ANKFN1: variants seen among roughly 807,000 people sequenced by gnomAD.
The protein encoded by ANKFN1 is ankyrin repeat and fibronectin type III domain containing 1, also known as ankyrin repeat and fibronectin type-III domain-containing protein 1.
Under a neutral mutation model 108.7 loss-of-function variants are expected in ANKFN1, and 74 were observed. The observed-to-expected ratio is 0.68, with a 90% CI of 0.56 to 0.83. The LOEUF (loss-of-function observed/expected upper bound fraction) is 0.83. Among genes scored for constraint, ANKFN1 ranks in the 40% least tolerant of loss-of-function variants. The pLI is 0.00. For missense variants in ANKFN1, 1,505 were observed against 1,382.3 expected (o/e 1.09, Z -1.41); for synonymous variants, 547 against 516.2 (o/e 1.06, Z -0.81).
intron 8 of ANKFN1, among the ~76,000 whole-genome samples, chr17:56,418,084 T>G (rs1439639784): frequency 1.3e-5 from 2 of 152,228 alleles, no homozygotes; most frequent in Admixed American, 1.3e-4. Context: ...CCAGGACTTT[T>G]AAGTACATTT....
At chr17:56,140,437 TTA>T (rs1907852149) in intron 4 of ANKFN1, among the ~76,000 whole-genome samples, 1 of 152,178 alleles carries the variant, frequency 6.6e-6, no homozygotes, top group Admixed American at 6.5e-5. Flanking sequence ...GACTCTTTCA[TTA>T]TGTCTTTCCC....
intron 15 of ANKFN1, among the ~76,000 whole-genome samples, chr17:56,475,046 T>C (rs1208037163): frequency 6.6e-6 from 1 of 152,242 alleles, no homozygotes; most frequent in Non-Finnish European, 1.5e-5. Context: ...TATTCCCTTA[T>C]GTTCTGTTTA....
chr17:56,128,231 G>A (rs1282794753), intron 4 of ANKFN1, among the ~76,000 whole-genome samples: 1 of 127,244 alleles, frequency 7.9e-6, no homozygotes, highest in African/African-American at 2.7e-5. Flanking sequence ...GAAGCCAATA[G>A]CCCTTTTTTT....
At chr17:56,268,620 C>T (rs1260389986) in intron 3 of ANKFN1, among the ~76,000 whole-genome samples, 2 of 151,834 alleles carry the variant, frequency 1.3e-5, no homozygotes, top group African/African-American at 4.8e-5. Flanking sequence ...AAAACCCATA[C>T]AAAAGACTAA....
chr17:56,403,144 T>A (rs947129802), intron 8 of ANKFN1, among the ~76,000 whole-genome samples: 11 of 152,152 alleles, frequency 7.2e-5, no homozygotes, highest in Non-Finnish European at 1.3e-4. Flanking sequence ...GAAAGTTCCA[T>A]GTGCTGTTGA....
chr17:56,345,039 C>T (rs1326324035), intron 4 of ANKFN1, among the ~76,000 whole-genome samples: 2 of 152,046 alleles, frequency 1.3e-5, no homozygotes, highest in Non-Finnish European at 2.9e-5. Context: ...TGCTCTCCCT[C>T]CCCTTGGCCA....
At position 56,516,267 on chromosome 17, in the gene ANKFN1, T is replaced by TGTGTGTGTGTGTGC. The variant is rs2051913661; in HGVS notation, c.*5011_*5012insCGTGTGTGTGTGTG. Among the ~76,000 whole-genome samples the TGTGTGTGTGTGTGC allele has an allele frequency of 6.6e-6, 1 of 151,858 alleles. No homozygotes were observed. The highest frequency in any genetic ancestry group is 1.5e-5 in the Non-Finnish European group (1 of 67,976). ...TGTGATTTTTAAAAAAGTGTGTGTG[T>TGTGTGTGTGTGTGC]GTGTGTGTGTGTGTGCGTGTGTGGT... On this transcript the variant is annotated 3_prime_UTR_variant, in exon 21 of 21. Coordinates refer to ENST00000682825, the MANE Select transcript of ANKFN1 (RefSeq NM_001370326.1).
At chr17:56,304,585 G>T (rs1374538238) in intron 3 of ANKFN1, among the ~76,000 whole-genome samples, 1 of 152,030 alleles carries the variant, frequency 6.6e-6, no homozygotes, top group Admixed American at 6.6e-5. Context: ...TTTCCAGAAT[G>T]GTTGTACAAT....
At chr17:56,080,389 A>G (rs1905231521) in intron 4 of ANKFN1, among the ~76,000 whole-genome samples, 1 of 152,238 alleles carries the variant, frequency 6.6e-6, no homozygotes, top group East Asian at 1.9e-4. Context: ...CCCAACAGTA[A>G]GGGAATTATT....
intron 3 of ANKFN1, among the ~76,000 whole-genome samples, chr17:56,303,835 C>T (rs983754767): frequency 6.6e-6 from 1 of 150,460 alleles, no homozygotes; most frequent in Non-Finnish European, 1.5e-5. Flanking sequence ...CAGGTGCACA[C>T]CACCACGCTG....
chr17:56,185,158 T>A (rs533303951), intron 1 of ANKFN1, among the ~76,000 whole-genome samples: 1 of 152,258 alleles, frequency 6.6e-6, no homozygotes, highest in East Asian at 1.9e-4. Context: ...CCAAATGTCA[T>A]CCCAGGGTGT....
At chr17:56,378,741 G>A (rs16957151) in intron 8 of ANKFN1, among the ~76,000 whole-genome samples, 9,725 of 152,224 alleles carry the variant, frequency 0.064, 1,031 homozygotes, top group African/African-American at 0.22. Flanking sequence ...GAAACTTAGT[G>A]GATTAACATT....
chr17:56,372,294 C>T (rs1002287410), intron 6 of ANKFN1, among the ~76,000 whole-genome samples: 1 of 152,178 alleles, frequency 6.6e-6, no homozygotes, highest in Non-Finnish European at 1.5e-5. Context: ...GTTTGTCCTT[C>T]TAGAGGTCAT....
chr17:56,334,457 T>A (rs1338073869), intron 4 of ANKFN1, among the ~76,000 whole-genome samples: 1 of 152,146 alleles, frequency 6.6e-6, no homozygotes, highest in East Asian at 1.9e-4. Flanking sequence ...CAAATTGTAC[T>A]TTTTAAAACA....
In ANKFN1 at chr17:56,515,595, G is replaced by A. The variant is rs74593742; in HGVS notation, c.*4326G>A. On this transcript the variant is annotated 3_prime_UTR_variant, in exon 21 of 21. Transcript: ENST00000682825. ...TTCAATGCGGCCTTACAAACAACAA[G>A]GGTAGTGTATTTGAAACCATGTTGT... Among the ~76,000 whole-genome samples, 3,753 of 152,258 alleles carry A rather than the reference G, an allele frequency of 0.025. 54 individuals carry two copies. Among genetic ancestry groups the A allele is most frequent in the East Asian group, 0.073 (380 of 5,176 alleles).
chr17:56,314,223 A>G (rs769700226), intron 3 of ANKFN1, among the ~76,000 whole-genome samples: 34 of 152,184 alleles, frequency 2.2e-4, no homozygotes, highest in Non-Finnish European at 4.1e-4. Flanking sequence ...GTTTTAACTA[A>G]GACTGCTATA....
rs918742739 is a variant in ANKFN1, at chr17:56,480,884, G to A, written c.2091+66G>A. The A allele has an allele frequency of 4.8e-6, 7 of 1,460,228 alleles. No individual in the cohort carries two copies. The African/African-American group carries it at 1.4e-4, about 29-fold the overall frequency. The allele number at this position is 1,460,228 out of a possible 1,614,324, so 90.5% of individuals were successfully genotyped here. On this transcript the variant is annotated intron_variant, in intron 17 of 20. Transcript: ENST00000682825. Reference sequence around the variant, plus strand: ...CATGGAAACTGCATTGTAACATTAAGTGGGGTGTGTGTGTGTGTGTGTGTG... The same window carrying A: ...CATGGAAACTGCATTGTAACATTAAATGGGGTGTGTGTGTGTGTGTGTGTG...
chr17:56,108,018 C>T (rs1272158115), intron 4 of ANKFN1, among the ~76,000 whole-genome samples: 1 of 151,910 alleles, frequency 6.6e-6, no homozygotes, highest in Non-Finnish European at 1.5e-5. Context: ...TGCGCCACCA[C>T]ACCTGGCTAA....
chr17:56,368,278 T>C (rs2046716189), intron 6 of ANKFN1: 1 of 345,806 alleles, frequency 2.9e-6, no homozygotes. Context: ...AAAATGAACT[T>C]TTTTTTTTTT....
Sources: gnomAD v4.1 joint callset for allele counts (sites outside exome capture counted in the v4.1 genomes callset) on GRCh38, gnomAD v4.1.1 for gene constraint, MANE v1.5 for transcripts, NCBI Gene and HGNC (gene_info 2026-07-23, HGNC 2026-07-21) for gene names.